LETM1: variants seen among roughly 807,000 people sequenced by gnomAD.
LETM1 encodes leucine zipper and EF-hand containing transmembrane protein 1.
In LETM1, 50 loss-of-function variants were observed where a neutral mutation model predicts 74.5. The ratio of observed to expected loss-of-function variants is 0.67; its 90% CI spans 0.53 to 0.85. The LOEUF is 0.85. LETM1 is among the 40% of genes least tolerant of loss of function. The pLI is 0.00. For synonymous variants in LETM1, 446 were observed against 407.1 expected, an observed-to-expected ratio of 1.10 and a Z score of -1.15; for missense variants, 824 against 967.8, an observed-to-expected ratio of 0.85 and a Z score of 1.97.
chr4:1,833,829 G>A (rs995993630), intron 5 of LETM1: 3 of 152,314 alleles, frequency 2.0e-5, no homozygotes, highest in African/African-American at 7.2e-5. Flanking sequence ...AATTTCAGGT[G>A]TGCTCCTGGG....
intron 6 of LETM1, among the ~76,000 whole-genome samples, chr4:1,826,524 C>G (rs1398451065): frequency 1.3e-5 from 2 of 152,240 alleles, no homozygotes; most frequent in African/African-American, 4.8e-5. Flanking sequence ...GCTGCCCGTT[C>G]ACAGACGCGC....
intron 1 of LETM1, among the ~76,000 whole-genome samples, chr4:1,853,733 A>G (rs1381300815): frequency 6.6e-6 from 1 of 152,240 alleles, no homozygotes; most frequent in South Asian, 2.1e-4. Context: ...AGGTCAGTTC[A>G]TTAACTGTGA....
At position 1,813,298 on chromosome 4, in the gene LETM1, A is replaced by G. The variant is rs1722523160; in HGVS notation, c.*1126T>C. 1 of 152,304 alleles carries G rather than the reference A, an allele frequency of 6.6e-6. No individual in the cohort carries two copies. The highest frequency in any genetic ancestry group is 1.5e-5 in the Non-Finnish European group (1 of 68,040). 9.4% of individuals were successfully genotyped at this position (152,304 alleles called of 1,614,324 possible). Reference sequence around the variant, plus strand: ...AAATCCTATGCTTGGAGGCCCCTGGAGGTACATTTTTGCCAGGAACCAACC... The same window carrying G: ...AAATCCTATGCTTGGAGGCCCCTGGGGGTACATTTTTGCCAGGAACCAACC... On this transcript the variant is annotated 3_prime_UTR_variant, in exon 14 of 14. Coordinates refer to ENST00000302787, the MANE Select transcript of LETM1 (RefSeq NM_012318.3).
chr4:1,838,292 G>T (rs1343261684), intron 3 of LETM1, among the ~76,000 whole-genome samples: 1 of 151,918 alleles, frequency 6.6e-6, no homozygotes, highest in African/African-American at 2.4e-5. Flanking sequence ...TAGAGACAGG[G>T]TTTCACCGTG....
In LETM1 at chr4:1,855,913, G is replaced by GC; in HGVS notation, c.37dup (p.Ala13GlyfsTer17). On this transcript the variant is annotated frameshift_variant, in exon 1 of 14. Coordinates refer to ENST00000302787, the MANE Select transcript of LETM1 (RefSeq NM_012318.3). LOFTEE classifies it high-confidence loss of function. ...AGGCGGCGGCGGGAGGCGGGCGGGCGCCCGGCCGCGGCAGCTCCTCAGTAA... is the reference window on the plus strand; with the variant it reads ...AGGCGGCGGCGGGAGGCGGGCGGGCGCCCCGGCCGCGGCAGCTCCTCAGTAA... 8.1e-7 allele frequency: 1 copy of GC among 1,237,294 alleles called. No homozygotes were observed. Among genetic ancestry groups the GC allele is most frequent in the Non-Finnish European group, 1.0e-6 (1 of 993,110 alleles). 76.6% of individuals were successfully genotyped at this position (1,237,294 alleles called of 1,614,324 possible).
In LETM1 at chr4:1,814,253, C is replaced by T. The variant is rs897730339; in HGVS notation, c.*171G>A. 2.4e-5 allele frequency: 26 copies of T among 1,080,246 alleles called. No homozygotes were observed. Among genetic ancestry groups the T allele is most frequent in the Non-Finnish European group, 3.4e-5 (25 of 744,846 alleles). 66.9% of individuals were successfully genotyped at this position (1,080,246 alleles called of 1,614,324 possible). On this transcript the variant is annotated 3_prime_UTR_variant, in exon 14 of 14. Transcript: ENST00000302787. Reference sequence around the variant, plus strand: ...GAGGGGTTCCGGGATTCCAGACAGACTGAATCTCCGTGGAATGATGAAAAT... The same window carrying T: ...GAGGGGTTCCGGGATTCCAGACAGATTGAATCTCCGTGGAATGATGAAAAT...
intron 4 of LETM1, among the ~76,000 whole-genome samples, chr4:1,835,453 AAAAC>A (rs1421213165): frequency 2.0e-4 from 31 of 151,346 alleles, no homozygotes; most frequent in African/African-American, 7.6e-4. Context: ...AAAAAAAACA[AAAAC>A]AAAACAAAAA....
At chr4:1,833,110 T>A in intron 5 of LETM1, 163 bp from the exon 6 acceptor site, 1 of 628,960 alleles carries the variant, frequency 1.6e-6, no homozygotes, top group Non-Finnish European at 2.8e-6. Context: ...CTCGCTCTGT[T>A]ACCCAGGCTG....
intron 1 of LETM1, among the ~76,000 whole-genome samples, chr4:1,854,920 G>A (rs575573568): frequency 1.5e-4 from 23 of 150,464 alleles, no homozygotes; most frequent in African/African-American, 5.4e-4. Flanking sequence ...CCTGGGCATG[G>A]TGGCTCCTGT....
intron 8 of LETM1, among the ~76,000 whole-genome samples, 199 bp from the exon 9 acceptor site, chr4:1,823,330 C>T (rs1711858339): frequency 6.7e-6 from 1 of 150,018 alleles, no homozygotes; most frequent in Non-Finnish European, 1.5e-5. Flanking sequence ...CCCGATGACT[C>T]CTGACATGTG....
chr4:1,822,113 C>G, intron 10 of LETM1, 68 bp downstream of exon 10: 1 of 1,338,270 alleles, frequency 7.5e-7, no homozygotes, highest in Non-Finnish European at 9.7e-7. Flanking sequence ...CATCCCTGCC[C>G]CACAACTGTC....
Position 1,822,321 on chromosome 4 carries a change from C to T in LETM1, c.1477-9G>A. On this transcript the variant is annotated splice_polypyrimidine_tract_variant and intron_variant, in intron 9 of 13. Coordinates refer to ENST00000302787, the MANE Select transcript of LETM1 (RefSeq NM_012318.3). ...TCGGGCTCAAAATCCTTCTGAAAGG[C>T]AAGGCGACACCAGCCCAGCGCCCGC... The T allele has an allele frequency of 6.7e-7, 1 of 1,484,888 alleles. No homozygotes were observed. The highest frequency in any genetic ancestry group is 2.5e-5 in the East Asian group (1 of 39,760). 92.0% of individuals were successfully genotyped at this position (1,484,888 alleles called of 1,614,324 possible).
At chr4:1,816,681 C>T (rs1330288166) in intron 12 of LETM1, 46 bp downstream of exon 12, 1 of 1,581,390 alleles carries the variant, frequency 6.3e-7, no homozygotes, top group Non-Finnish European at 8.7e-7. Context: ...ACCAGCCTCC[C>T]TATGTGAGTC....
chr4:1,828,151 T>C (rs1370955875), intron 6 of LETM1, among the ~76,000 whole-genome samples: 12 of 78,638 alleles, frequency 1.5e-4, no homozygotes, highest in East Asian at 8.9e-4. Context: ...GAGGGGCTCC[T>C]CACTTCCCAG....
At chr4:1,839,752 C>T (rs1230920964) in intron 3 of LETM1, among the ~76,000 whole-genome samples, 2 of 152,164 alleles carry the variant, frequency 1.3e-5, no homozygotes, top group Admixed American at 1.3e-4. Flanking sequence ...AAGAGGGTTC[C>T]GTCCTATTCC....
Position 1,813,080 on chromosome 4 carries a change from T to C in LETM1, c.*1344A>G, listed in dbSNP as rs1254625445. ...ATTAGTTAAGGATCTAAAACAAACT[T>C]CTCAAATAACTGAAAGCTGAAAGCC... On this transcript the variant is annotated 3_prime_UTR_variant, in exon 14 of 14. Transcript: ENST00000302787. 6.6e-6 allele frequency: 1 copy of C among 152,316 alleles called. No individual in the cohort carries two copies. Among genetic ancestry groups the C allele is most frequent in the Non-Finnish European group, 1.5e-5 (1 of 68,036 alleles). 9.4% of individuals were successfully genotyped at this position (152,316 alleles called of 1,614,324 possible).
chr4:1,816,377 C>G (rs1484494893), intron 12 of LETM1, among the ~76,000 whole-genome samples: 1 of 152,168 alleles, frequency 6.6e-6, no homozygotes, highest in African/African-American at 2.4e-5. Context: ...GCCGACTGCC[C>G]GAGCTGGTGT....
At chr4:1,819,763 G>C (rs149395013) in intron 10 of LETM1, among the ~76,000 whole-genome samples, 3 of 152,314 alleles carry the variant, frequency 2.0e-5, no homozygotes, top group Admixed American at 6.5e-5. Context: ...ACCTCCAAAT[G>C]CATCTTTGTG....
chr4:1,828,344 C>T (rs1712094106), intron 6 of LETM1, among the ~76,000 whole-genome samples: 1 of 126,242 alleles, frequency 7.9e-6, no homozygotes, highest in African/African-American at 3.2e-5. Context: ...CCCCCACCTC[C>T]CTCCCGGACG....
Sources: allele counts gnomAD v4.1 joint callset (sites outside exome capture counted in the v4.1 genomes callset), GRCh38; gene constraint gnomAD v4.1.1; transcripts MANE v1.5; gene names NCBI Gene and HGNC (gene_info 2026-07-23, HGNC 2026-07-21).